The following GPR158 variants were observed in gnomAD, a reference collection of about 807,000 sequenced individuals.
GPR158 encodes the protein G protein-coupled receptor 158, also known as metabotropic glycine receptor.
Under a neutral mutation model 78.2 loss-of-function variants are expected in GPR158, and 30 were observed. That is an observed-to-expected ratio of 0.38 (90% CI 0.29 to 0.52). GPR158 has a LOEUF of 0.52. GPR158 is among the 20% of genes least tolerant of loss of function. GPR158 has a pLI of 0.83. For missense variants in GPR158, 1,463 were observed against 1,523.5 expected (o/e 0.96, Z 0.66); for synonymous variants, 581 against 591.1 (o/e 0.98, Z 0.25).
intron 1 of GPR158, among the ~76,000 whole-genome samples, chr10:25,187,130 A>AT (rs945196551): frequency 1.1e-4 from 17 of 151,120 alleles, no homozygotes; most frequent in South Asian, 4.2e-4. Flanking sequence ...ACGCCCGGCT[A>AT]TTTTTTTTGT....
At chr10:25,485,041 T>C (rs1273496233) in intron 5 of GPR158, among the ~76,000 whole-genome samples, 1 of 152,132 alleles carries the variant, frequency 6.6e-6, no homozygotes, top group Non-Finnish European at 1.5e-5. Flanking sequence ...TGTGGTCTTA[T>C]AGGTGAACAA....
In GPR158 at chr10:25,440,382, C is replaced by A. The variant is rs376070626; in HGVS notation, c.1336-26269C>A. Among the ~76,000 whole-genome samples the A allele has an allele frequency of 7.3e-4, 111 of 152,252 alleles. 4 individuals carry two copies. The South Asian group carries it at 0.012, about 17-fold the overall frequency. ...GGTAGCCAGTAAAAGAGAAAAAAGG[C>A]CACTCAACACCCCCATTGATTGCTG... On this transcript the variant is annotated intron_variant, in intron 4 of 10. Transcript: ENST00000376351.
chr10:25,374,872 G>A (rs556037679), intron 2 of GPR158, among the ~76,000 whole-genome samples: 24 of 151,736 alleles, frequency 1.6e-4, no homozygotes, highest in Admixed American at 1.5e-3. Flanking sequence ...AGGTTTTTAT[G>A]TGAACAAAGT....
intron 4 of GPR158, among the ~76,000 whole-genome samples, chr10:25,460,194 CT>C (rs778099736): frequency 1.2e-3 from 173 of 143,262 alleles, no homozygotes; most frequent in Middle Eastern, 3.7e-3. Context: ...CAGAGATTTT[CT>C]TTTTTTTTTT....
chr10:25,251,329 G>A (rs1328356476), intron 2 of GPR158, among the ~76,000 whole-genome samples: 1 of 151,290 alleles, frequency 6.6e-6, no homozygotes, highest in East Asian at 2.0e-4. Context: ...AGTTAATATT[G>A]TTATGTGTGA....
chr10:25,406,745 TTTTC>T (rs1362492321), intron 3 of GPR158, among the ~76,000 whole-genome samples: 1 of 152,192 alleles, frequency 6.6e-6, no homozygotes, highest in Non-Finnish European at 1.5e-5. Context: ...CTGGTTTTCA[TTTTC>T]TTTCCAGTTT....
At chr10:25,588,208 A>C (rs1173240058) in intron 7 of GPR158, among the ~76,000 whole-genome samples, 1 of 152,238 alleles carries the variant, frequency 6.6e-6, no homozygotes, top group African/African-American at 2.4e-5. Flanking sequence ...CATGAAATAC[A>C]TACTTTTATT....
At chr10:25,211,639 C>G (rs773908013) in intron 1 of GPR158, among the ~76,000 whole-genome samples, 3 of 152,178 alleles carry the variant, frequency 2.0e-5, no homozygotes, top group Non-Finnish European at 2.9e-5. Flanking sequence ...TCCTAACACA[C>G]GAACTCTGGG....
chr10:25,271,075 GCCTC>G (rs1854112253), intron 2 of GPR158, among the ~76,000 whole-genome samples: 1 of 152,130 alleles, frequency 6.6e-6, no homozygotes, highest in East Asian at 1.9e-4. Flanking sequence ...GTTCCGAGCT[GCCTC>G]CCACCTCAGG....
intron 2 of GPR158, among the ~76,000 whole-genome samples, chr10:25,295,345 C>G (rs552979231): frequency 6.6e-6 from 1 of 152,208 alleles, no homozygotes; most frequent in Non-Finnish European, 1.5e-5. Context: ...CACCCATCAG[C>G]CAGAGTAACT....
At chr10:25,199,599 G>C (rs1852891809) in intron 1 of GPR158, among the ~76,000 whole-genome samples, 1 of 152,090 alleles carries the variant, frequency 6.6e-6, no homozygotes, top group Admixed American at 6.6e-5. Context: ...GATCATGGGG[G>C]CAATTCCCCC....
chr10:25,176,045 T>G lies in GPR158; in HGVS notation c.625T>G (p.Ser209Ala), dbSNP rs774329576. The G allele has an allele frequency of 6.2e-6, 10 of 1,609,184 alleles. No homozygotes were observed. Among genetic ancestry groups the G allele is most frequent in the Non-Finnish European group, 7.6e-6 (9 of 1,178,270 alleles). ...SRILLQDLSS[S>A]APHLANATLE... ...CATCCTGCTCCAAGACCTGTCCTCC[T>G]CCGCACCCCACCTGGCCAACGCCAC... The change falls in exon 1 of 11, where the codon TCC (serine) becomes GCC (alanine). Residue 209 changes from serine (S) to alanine (A), a missense_variant. Ser to Ala is a moderately conservative substitution (Grantham distance 99). Transcript: ENST00000376351. This position sits in a 1 kb window ranked among gnomAD's most constrained non-coding sequence, Gnocchi z 6.3.
intron 5 of GPR158, among the ~76,000 whole-genome samples, chr10:25,543,910 T>A (rs1836624023): frequency 6.6e-6 from 1 of 152,306 alleles, no homozygotes; most frequent in East Asian, 1.9e-4. Flanking sequence ...CCGAGGTACA[T>A]CTACCTTAGG....
At chr10:25,238,065 C>CCTTCTTCCTT (rs1554786777) in intron 2 of GPR158, among the ~76,000 whole-genome samples, 1 of 151,684 alleles carries the variant, frequency 6.6e-6, no homozygotes, top group African/African-American at 2.4e-5. Flanking sequence ...TCTTTTCTCT[C>CCTTCTTCCTT]CTTCTTCTTC....
intron 2 of GPR158, among the ~76,000 whole-genome samples, chr10:25,305,525 A>G (rs1305871921): frequency 6.6e-6 from 1 of 152,100 alleles, no homozygotes; most frequent in Non-Finnish European, 1.5e-5. Context: ...GGATACAAAG[A>G]TTTCATCCCA....
At chr10:25,373,101 G>A (rs1834023632) in intron 2 of GPR158, among the ~76,000 whole-genome samples, 2 of 151,910 alleles carry the variant, frequency 1.3e-5, no homozygotes, top group Non-Finnish European at 1.5e-5. Context: ...CATATGTGCT[G>A]TGGAATACTG....
At chr10:25,484,244 A>G (rs1835703195) in intron 5 of GPR158, among the ~76,000 whole-genome samples, 1 of 152,256 alleles carries the variant, frequency 6.6e-6, no homozygotes, top group Middle Eastern at 3.4e-3. Context: ...TCCTCTTCCT[A>G]GAGCACTCTT....
At chr10:25,554,790 G>GT (rs1285729258) in intron 6 of GPR158, among the ~76,000 whole-genome samples, 2 of 152,106 alleles carry the variant, frequency 1.3e-5, no homozygotes, top group African/African-American at 2.4e-5. Flanking sequence ...GGTGTATTCT[G>GT]TTTTTTGTCA....
At chr10:25,241,337 TTTTC>T (rs1187550857) in intron 2 of GPR158, among the ~76,000 whole-genome samples, 5 of 133,084 alleles carry the variant, frequency 3.8e-5, no homozygotes, top group African/African-American at 6.1e-5. Flanking sequence ...TTCTCTTCTC[TTTTC>T]TCTTTTCTCT....
Sources: gnomAD v4.1 joint callset for allele counts (sites outside exome capture counted in the v4.1 genomes callset) on GRCh38, gnomAD v4.1.1 for gene constraint, Gnocchi (gnomAD v3.1) non-coding constraint, MANE v1.5 for transcripts, NCBI Gene and HGNC (gene_info 2026-07-23, HGNC 2026-07-21) for gene names.